The following NCKAP5 variants were observed in gnomAD, a reference collection of about 807,000 sequenced individuals.
NCKAP5 encodes the protein NCK associated protein 5.
NCKAP5 carries 92 observed loss-of-function variants against 167.0 expected under a neutral mutation model. That is an observed-to-expected ratio of 0.55 (90% CI 0.47 to 0.66). The LOEUF (loss-of-function observed/expected upper bound fraction) is 0.66, where lower values mean the gene tolerates loss of function less well. NCKAP5 is among the 30% of genes least tolerant of loss of function. The pLI is 0.00. For missense variants in NCKAP5, 2,378 were observed against 2,315.0 expected (o/e 1.03, Z -0.56); for synonymous variants, 891 against 877.4 (o/e 1.02, Z -0.27).
chr2:132,896,764 C>A (rs1387205398), intron 8 of NCKAP5, among the ~76,000 whole-genome samples: 5 of 152,138 alleles, frequency 3.3e-5, no homozygotes, highest in African/African-American at 1.2e-4. Context: ...CATAGAGAAT[C>A]TTTTAAGTAT....
At chr2:133,392,221 A>G (rs1687458545) in intron 3 of NCKAP5, among the ~76,000 whole-genome samples, 2 of 152,216 alleles carry the variant, frequency 1.3e-5, no homozygotes, top group African/African-American at 4.8e-5. Context: ...TTATGTTTAA[A>G]TATGTTTTGA....
At chr2:133,241,540 A>G (rs893942938) in intron 4 of NCKAP5, among the ~76,000 whole-genome samples, 1 of 152,190 alleles carries the variant, frequency 6.6e-6, no homozygotes, top group African/African-American at 2.4e-5. Context: ...TTCATTTCCA[A>G]CTGTGGTTCC....
intron 6 of NCKAP5, among the ~76,000 whole-genome samples, chr2:133,121,444 C>T (rs1170597796): frequency 6.6e-6 from 1 of 152,054 alleles, no homozygotes; most frequent in Non-Finnish European, 1.5e-5. Flanking sequence ...AGAAGAGGTA[C>T]CCAGATGGGA....
At chr2:132,747,171 C>CAAAAAA (rs140348727) in intron 16 of NCKAP5, among the ~76,000 whole-genome samples, 3 of 124,202 alleles carry the variant, frequency 2.4e-5, no homozygotes, top group Admixed American at 8.3e-5. Flanking sequence ...CTCAGCCTGC[C>CAAAAAA]AAAAAAAAAA....
the NCKAP5 span, among the ~76,000 whole-genome samples, chr2:133,671,158 C>T: frequency 0.01 from 1,417 of 137,028 alleles, 30 homozygotes; most frequent in African/African-American, 0.038. Context: ...GAGTTTGCAG[C>T]GAGCCAAGAT....
intron 19 of NCKAP5, among the ~76,000 whole-genome samples, chr2:132,717,460 A>C (rs1426789259): frequency 1.3e-5 from 2 of 152,160 alleles, no homozygotes; most frequent in African/African-American, 4.8e-5. Flanking sequence ...AAATAGATGC[A>C]ACTTTGTGTG....
At chr2:132,927,949 C>T (rs1175483747) in intron 8 of NCKAP5, among the ~76,000 whole-genome samples, 2 of 152,142 alleles carry the variant, frequency 1.3e-5, no homozygotes, top group Admixed American at 6.5e-5. Flanking sequence ...TGCATGTTGA[C>T]TCATAATTGT....
At chr2:133,643,354 A>G in the NCKAP5 span, among the ~76,000 whole-genome samples, 2 of 152,274 alleles carry the variant, frequency 1.3e-5, no homozygotes, top group South Asian at 4.1e-4. Context: ...AATATCTGAA[A>G]TTATCACAGC....
chr2:133,439,598 C>A (rs1690705715), intron 3 of NCKAP5, among the ~76,000 whole-genome samples: 1 of 152,146 alleles, frequency 6.6e-6, no homozygotes, highest in South Asian at 2.1e-4. Flanking sequence ...AGTAAACATA[C>A]AAATGTACAT....
At chr2:132,969,387 A>C (rs2076764836) in intron 7 of NCKAP5, among the ~76,000 whole-genome samples, 1 of 151,914 alleles carries the variant, frequency 6.6e-6, no homozygotes, top group African/African-American at 2.4e-5. Context: ...GCATTTCTAA[A>C]TCATTAGTGT....
At chr2:133,124,990 G>A (rs746410912) in intron 6 of NCKAP5, among the ~76,000 whole-genome samples, 23 of 152,162 alleles carry the variant, frequency 1.5e-4, no homozygotes, top group Non-Finnish European at 1.5e-4. Context: ...AGGCTGCAGC[G>A]AGGTGAGGCT....
intron 16 of NCKAP5, among the ~76,000 whole-genome samples, chr2:132,768,386 A>C (rs1038461532): frequency 6.6e-6 from 1 of 152,184 alleles, no homozygotes; most frequent in African/African-American, 2.4e-5. Flanking sequence ...ATTCCTACTA[A>C]TTGTTAACTC....
At chr2:133,209,393 A>T (rs747741693) in intron 5 of NCKAP5, among the ~76,000 whole-genome samples, 1 of 147,994 alleles carries the variant, frequency 6.8e-6, no homozygotes, top group Non-Finnish European at 1.5e-5. Flanking sequence ...TATGCTGAGG[A>T]AAGTTGCCAA....
intron 19 of NCKAP5, among the ~76,000 whole-genome samples, chr2:132,674,240 T>C (rs113011280): frequency 1.6e-3 from 241 of 152,296 alleles, no homozygotes; most frequent in Admixed American, 3.5e-3. Context: ...GTGTTACCAT[T>C]TATTAAGCAT....
chr2:133,219,577 T>G (rs2086571615), intron 4 of NCKAP5, among the ~76,000 whole-genome samples: 1 of 152,206 alleles, frequency 6.6e-6, no homozygotes, highest in African/African-American at 2.4e-5. Context: ...ATTAGGCTTC[T>G]GAATTATATT....
At chr2:132,860,752 CG>C in intron 10 of NCKAP5, 141 bp from the exon 11 acceptor site, 1 of 1,126,486 alleles carries the variant, frequency 8.9e-7, no homozygotes, top group African/African-American at 1.6e-5. Context: ...AAATCACATA[CG>C]TTTTCGTCCA....
chr2:133,275,344 T>G (rs1390084448), intron 4 of NCKAP5, among the ~76,000 whole-genome samples: 1 of 152,046 alleles, frequency 6.6e-6, no homozygotes, highest in Non-Finnish European at 1.5e-5. Flanking sequence ...GTGTTCGTAC[T>G]CTGTGACATA....
intron 5 of NCKAP5, among the ~76,000 whole-genome samples, chr2:133,137,406 T>TGTGTGTGTGTGTGTG (rs2082828771): frequency 2.2e-5 from 3 of 136,302 alleles, no homozygotes; most frequent in African/African-American, 8.3e-5. Flanking sequence ...GAGCTTGGTT[T>TGTGTGTGTGTGTGTG]TGTGTGTGTG....
chr2:133,370,478 G>T (rs1243530233), intron 3 of NCKAP5, among the ~76,000 whole-genome samples: 1 of 152,134 alleles, frequency 6.6e-6, no homozygotes, highest in African/African-American at 2.4e-5. Context: ...TAAATATAAA[G>T]GGTAAGTAGA....
Sources: allele counts gnomAD v4.1 joint callset (sites outside exome capture counted in the v4.1 genomes callset), GRCh38; gene constraint gnomAD v4.1.1; transcripts MANE v1.5; gene names NCBI Gene and HGNC (gene_info 2026-07-23, HGNC 2026-07-21).